NEBL: variants seen among roughly 807,000 people sequenced by gnomAD.
NEBL encodes the protein nebulette.
Under a neutral mutation model 140.2 loss-of-function variants are expected in NEBL, and 122 were observed. The observed-to-expected ratio is 0.87, with a 90% CI of 0.75 to 1.01. NEBL has a LOEUF of 1.01. Ranked by LOEUF, NEBL falls within the 50% of genes least tolerant of loss-of-function variation. The pLI, the probability that NEBL is intolerant of heterozygous loss-of-function variation, is 0.00. For synonymous variants in NEBL, 436 were observed against 398.9 expected (o/e 1.09, Z -1.11); for missense variants, 1,365 against 1,231.3 (o/e 1.11, Z -1.62).
intron 3 of NEBL, among the ~76,000 whole-genome samples, chr10:21,229,280 G>A (rs938571287): frequency 5.3e-5 from 8 of 152,082 alleles, no homozygotes; most frequent in African/African-American, 1.9e-4. Flanking sequence ...TATTATCCAG[G>A]CATGGAAGTG....
intron 2 of NEBL, chr10:21,125,647 T>C: frequency 2.0e-6 from 1 of 499,200 alleles, no homozygotes; most frequent in Non-Finnish European, 3.6e-6. Flanking sequence ...CCATCAAAAA[T>C]AGTTTGATGG....
At chr10:21,008,252 C>T (rs1838210853) in intron 3 of NEBL, among the ~76,000 whole-genome samples, 1 of 152,000 alleles carries the variant, frequency 6.6e-6, no homozygotes, top group African/African-American at 2.4e-5. Context: ...ACAGTAGTCC[C>T]CTCTTATCCC....
At chr10:21,155,615 A>G (rs1840308935) in intron 2 of NEBL, among the ~76,000 whole-genome samples, 1 of 152,208 alleles carries the variant, frequency 6.6e-6, no homozygotes, top group South Asian at 2.1e-4. Flanking sequence ...TAATAAGGTA[A>G]CATTTCAACT....
chr10:21,129,274 T>C (rs1400695194), intron 2 of NEBL, among the ~76,000 whole-genome samples: 1 of 151,708 alleles, frequency 6.6e-6, no homozygotes, highest in Non-Finnish European at 1.5e-5. Flanking sequence ...TTAACTTTTT[T>C]ATTTTATTTT....
At chr10:21,153,949 T>C (rs1011740735) in intron 2 of NEBL, among the ~76,000 whole-genome samples, 2 of 152,168 alleles carry the variant, frequency 1.3e-5, no homozygotes, top group African/African-American at 2.4e-5. Flanking sequence ...CAAAATAGAA[T>C]GGGCAAAATA....
chr10:20,942,033 A>T (rs1834898944), intron 4 of NEBL, among the ~76,000 whole-genome samples: 1 of 152,222 alleles, frequency 6.6e-6, no homozygotes, highest in Non-Finnish European at 1.5e-5. Flanking sequence ...TTGTAGATTC[A>T]ATGCCATCCC....
chr10:20,800,900 A>G (rs576069740), intron 26 of NEBL, among the ~76,000 whole-genome samples: 31 of 152,236 alleles, frequency 2.0e-4, no homozygotes, highest in African/African-American at 5.5e-4. Context: ...ACTCACCTAC[A>G]AGTGTAGGTC....
intron 5 of NEBL, among the ~76,000 whole-genome samples, chr10:20,871,295 T>A (rs1320143303): frequency 6.6e-6 from 1 of 152,218 alleles, no homozygotes; most frequent in African/African-American, 2.4e-5. Context: ...CAATCCTCTG[T>A]AACAGAATTT....
chr10:20,845,006 A>G (rs1460590323), intron 12 of NEBL, among the ~76,000 whole-genome samples: 1 of 152,144 alleles, frequency 6.6e-6, no homozygotes, highest in Non-Finnish European at 1.5e-5. Flanking sequence ...CTAAAACAAA[A>G]AACTAGGCTG....
rs923003224 is a variant in NEBL at position 21,279,542 on chromosome 10, G to A, written n.182+13288C>T. ...AGCAGTTTGGGAGGCCAAGAAGGGC[G>A]GATCACTGGAGGTCATGAGTTCGAG... is the stretch of plus-strand genomic sequence containing the variant. On this transcript the variant is annotated intron_variant and non_coding_transcript_variant, in intron 1 of 8. Coordinates refer to the NEBL transcript ENST00000675702. Among the ~76,000 whole-genome samples the A allele has an allele frequency of 1.5e-4, 23 of 151,800 alleles. 1 individual carries two copies. The highest frequency in any genetic ancestry group is 4.6e-4 in the Admixed American group (7 of 15,234).
chr10:21,222,479 G>A (rs973794928), intron 3 of NEBL, among the ~76,000 whole-genome samples: 3 of 151,940 alleles, frequency 2.0e-5, no homozygotes, highest in African/African-American at 7.3e-5. Context: ...TGTTGCTGAT[G>A]GTGTTTTTGG....
At chr10:21,215,548 C>T (rs1423924088) in intron 3 of NEBL, among the ~76,000 whole-genome samples, 5 of 152,158 alleles carry the variant, frequency 3.3e-5, no homozygotes, top group African/African-American at 9.7e-5. Flanking sequence ...TCTTTTAAAA[C>T]TAACAAATAC....
At chr10:20,964,340 G>A (rs1836191655) in intron 3 of NEBL, among the ~76,000 whole-genome samples, 1 of 152,146 alleles carries the variant, frequency 6.6e-6, no homozygotes, top group African/African-American at 2.4e-5. Context: ...CTGACACTGG[G>A]TAATTTACAA....
At chr10:21,273,477 G>A (rs1842882533) in intron 1 of NEBL, among the ~76,000 whole-genome samples, 2 of 152,188 alleles carry the variant, frequency 1.3e-5, no homozygotes, top group South Asian at 4.1e-4. Context: ...AAGCATCACA[G>A]GGCTGGTAGA....
At chr10:21,069,393 T>C (rs918878404) in intron 2 of NEBL, among the ~76,000 whole-genome samples, 4 of 152,328 alleles carry the variant, frequency 2.6e-5, no homozygotes, top group South Asian at 2.1e-4. Context: ...CCACAGCCAG[T>C]AGAGCACTTG....
Position 20,878,504 on chromosome 10 carries a change from T to C in NEBL, c.480+2290A>G, listed in dbSNP as rs966189343. The stretch of plus-strand genomic sequence containing the variant: ...TACAGGAGACAGGTTTATGGGAGAT[T>C]GTCTTTTATAGAGATTCCATAGATC... On this transcript the variant is annotated intron_variant, in intron 5 of 27. Coordinates refer to ENST00000377122, the MANE Select transcript of NEBL (RefSeq NM_006393.3). Among the ~76,000 whole-genome samples the C allele has an allele frequency of 3.3e-5, 5 of 152,174 alleles. No individual in the cohort carries two copies. The East Asian group carries it at 5.8e-4, about 18-fold the overall frequency.
At chr10:21,004,539 T>C (rs532984454) in intron 3 of NEBL, among the ~76,000 whole-genome samples, 29 of 152,154 alleles carry the variant, frequency 1.9e-4, no homozygotes, top group Admixed American at 3.3e-4. Context: ...GCTAACACAG[T>C]GAAACCCCAT....
At chr10:20,928,272 T>A (rs906959188) in intron 4 of NEBL, among the ~76,000 whole-genome samples, 27 of 152,172 alleles carry the variant, frequency 1.8e-4, no homozygotes, top group Admixed American at 1.8e-3. Context: ...TTAAACTAAG[T>A]AAAATTAAGT....
At chr10:20,805,868 T>G (rs1356777955) in intron 26 of NEBL, among the ~76,000 whole-genome samples, 2 of 149,698 alleles carry the variant, frequency 1.3e-5, no homozygotes, top group Non-Finnish European at 1.5e-5. Flanking sequence ...AAAAAAAAAG[T>G]CAACTTTTTC....
Sources: gnomAD v4.1 joint callset for allele counts (sites outside exome capture counted in the v4.1 genomes callset) on GRCh38, gnomAD v4.1.1 for gene constraint, MANE v1.5 for transcripts, NCBI Gene and HGNC (gene_info 2026-07-23, HGNC 2026-07-21) for gene names.